The following LHX9 variants were observed in gnomAD, a reference collection of about 807,000 sequenced individuals.
The protein encoded by LHX9 is LIM homeobox 9, also known as LIM/homeobox protein Lhx9.
In LHX9, 9 loss-of-function variants were observed where a neutral mutation model predicts 36.5. The ratio of observed to expected loss-of-function variants is 0.25; its 90% CI spans 0.15 to 0.43. LHX9 has a LOEUF of 0.43. Ranked by LOEUF, LHX9 falls within the 20% of genes least tolerant of loss-of-function variation. LHX9 has a pLI of 1.00. For missense variants in LHX9, 464 were observed against 526.4 expected (o/e 0.88, Z 1.16); for synonymous variants, 211 against 212.1 (o/e 0.99, Z 0.04).
At chr1:197,916,594 G>C (rs973071301), upstream of LHX9, 7 of 692,834 alleles carry the variant, frequency 1.0e-5, no homozygotes, top group African/African-American at 8.8e-5. Context: ...GCGCAATTGC[G>C]TACCCGTGTG....
At chr1:197,923,918 G>A (rs529520230) in intron 3 of LHX9, among the ~76,000 whole-genome samples, 2 of 152,260 alleles carry the variant, frequency 1.3e-5, no homozygotes, top group African/African-American at 4.8e-5. Flanking sequence ...AGCCCGAAGA[G>A]TTTGTACCTC....
intron 1 of LHX9, chr1:197,918,631 A>G (rs1659857125): frequency 1.9e-6 from 1 of 515,534 alleles, no homozygotes; most frequent in Non-Finnish European, 3.5e-6. Context: ...CAAATAAAAC[A>G]TACGGAGGAG....
rs1209945236 is a variant in LHX9, at chr1:197,932,998, C to T, written c.*3739C>T. The stretch of plus-strand genomic sequence containing the variant: ...GAACTATAAAAAGATCCAATCTTTG[C>T]ATAGTTCAATTACATATGATTATTA... On this transcript the variant is annotated 3_prime_UTR_variant, in exon 5 of 5. Coordinates refer to ENST00000367387, the MANE Select transcript of LHX9 (RefSeq NM_020204.3). 2 of 151,702 alleles carry T rather than the reference C, an allele frequency of 1.3e-5. No homozygotes were observed. Among genetic ancestry groups the T allele is most frequent in the African/African-American group, 2.4e-5 (1 of 41,348 alleles). 9.4% of individuals were successfully genotyped at this position (151,702 alleles called of 1,614,324 possible). A position where few individuals can be genotyped will look rare whatever the true frequency, so the allele number is the denominator to read the frequency against.
Position 197,929,366 on chromosome 1 carries a change from A to G in LHX9, c.*107A>G. The stretch of plus-strand genomic sequence containing the variant: ...AGACTTTTTTTTTCTTCTAACCCAC[A>G]AGATATTTGGGGAATAAAAATAACA... On this transcript the variant is annotated 3_prime_UTR_variant, in exon 5 of 5. Coordinates refer to ENST00000367387, the MANE Select transcript of LHX9 (RefSeq NM_020204.3). 2 of 1,193,470 alleles carry G rather than the reference A, an allele frequency of 1.7e-6. No homozygotes were observed. The highest frequency in any genetic ancestry group is 2.1e-6 in the Non-Finnish European group (2 of 966,990). 73.9% of individuals were successfully genotyped at this position (1,193,470 alleles called of 1,614,324 possible).
upstream of LHX9, among the ~76,000 whole-genome samples, chr1:197,914,361 C>T (rs1276747888): frequency 1.3e-5 from 2 of 151,754 alleles, no homozygotes; most frequent in Non-Finnish European, 2.9e-5. Flanking sequence ...TTATGGAACA[C>T]TTGCGGGCCA....
intron 3 of LHX9, among the ~76,000 whole-genome samples, chr1:197,926,555 T>A (rs534416871): frequency 5.9e-4 from 90 of 152,338 alleles, no homozygotes; most frequent in Non-Finnish European, 1.2e-3. Context: ...TAGCTTTACA[T>A]CCTGGGGATA....
rs144328487 is a variant in LHX9, at chr1:197,924,762, C to T, written c.734-2829C>T. Among the ~76,000 whole-genome samples, 1,506 of 152,234 alleles carry T rather than the reference C, an allele frequency of 9.9e-3. 20 individuals carry two copies. Among genetic ancestry groups the T allele is most frequent in the Middle Eastern group, 0.014 (4 of 294 alleles). On this transcript the variant is annotated intron_variant, in intron 3 of 4. Coordinates refer to ENST00000367387, the MANE Select transcript of LHX9 (RefSeq NM_020204.3). ...CTCAGAAGGTTACATACCTTCACAG[C>T]GACACTCACTTTAGGATGGGTGCCC...
chr1:197,929,376 G>A lies in LHX9; in HGVS notation c.*117G>A. On this transcript the variant is annotated 3_prime_UTR_variant, in exon 5 of 5. Transcript: ENST00000367387. The stretch of plus-strand genomic sequence containing the variant: ...TTTCTTCTAACCCACAAGATATTTG[G>A]GGAATAAAAATAACAGCTTGGTGTG... The A allele has an allele frequency of 8.4e-7, 1 of 1,190,534 alleles. No homozygotes were observed. Among genetic ancestry groups the A allele is most frequent in the Non-Finnish European group, 1.0e-6 (1 of 966,362 alleles). The allele number at this position is 1,190,534 out of a possible 1,614,324, so 73.7% of individuals were successfully genotyped here. A position where few individuals can be genotyped will look rare whatever the true frequency, so the allele number is the denominator to read the frequency against.
At chr1:197,923,042 C>G (rs1459210173) in intron 3 of LHX9, among the ~76,000 whole-genome samples, 1 of 152,208 alleles carries the variant, frequency 6.6e-6, no homozygotes, top group African/African-American at 2.4e-5. Flanking sequence ...CTCAGACCTC[C>G]GTTGGGCTCT....
chr1:197,923,495 CAGAG>C (rs148599324), intron 3 of LHX9, among the ~76,000 whole-genome samples: 13 of 147,742 alleles, frequency 8.8e-5, no homozygotes, highest in South Asian at 6.6e-4. Context: ...CCCTAATTCC[CAGAG>C]AGAGAGAGAG....
In LHX9 at chr1:197,929,927, CT is replaced by C. The variant is rs200169822; in HGVS notation, c.*673del. On this transcript the variant is annotated 3_prime_UTR_variant, in exon 5 of 5. Coordinates refer to ENST00000367387, the MANE Select transcript of LHX9 (RefSeq NM_020204.3). ...TCTTAGGGGTGTACAACTCTAAAAA[CT>C]TTTTACTTGGTTATTTGTTTTTCAA... The C allele has an allele frequency of 1.5e-4, 150 of 980,924 alleles. 2 individuals carry two copies. The East Asian group carries it at 0.011, about 73-fold the overall frequency. The allele number at this position is 980,924 out of a possible 1,614,324, so 60.8% of individuals were successfully genotyped here.
At chr1:197,917,127 C>T (rs915015368), upstream of LHX9, 13 of 392,058 alleles carry the variant, frequency 3.3e-5, no homozygotes, top group Middle Eastern at 1.2e-3. Context: ...CGCGCGCGCG[C>T]GCGTGTGTGT....
rs1321504434 is a variant in LHX9 at position 197,917,862 on chromosome 1, T to C, written c.39T>C (p.Cys13=). ...IVGCRAEDNS[C]PFRPPAMLFH... is the part of the protein sequence containing the mutation. ...GGTGCCGAGCAGAAGACAACTCGTG[T>C]CCTTTCCGCCCCCCAGCCATGCTCT... Residue 13 remains cysteine (C), a synonymous_variant, in exon 1 of 5, where the codon TGT becomes TGC. Transcript: ENST00000367387. The C allele has an allele frequency of 6.2e-7, 1 of 1,614,220 alleles. No homozygotes were observed. Among genetic ancestry groups the C allele is most frequent in the African/African-American group, 1.3e-5 (1 of 75,060 alleles).
At chr1:197,928,958 A>G (rs1162837342) in intron 4 of LHX9, 44 bp from the exon 5 acceptor site, 28 of 1,464,296 alleles carry the variant, frequency 1.9e-5, no homozygotes, top group Non-Finnish European at 2.4e-5. Context: ...AAAGAAATAT[A>G]AAAATGAACA....
At chr1:197,919,074 T>G (rs1349061921) in intron 1 of LHX9, among the ~76,000 whole-genome samples, 1 of 152,252 alleles carries the variant, frequency 6.6e-6, no homozygotes, top group Non-Finnish European at 1.5e-5. Flanking sequence ...AACCCATTTC[T>G]GCTAGTCGTG....
chr1:197,913,359 G>A (rs901427941), upstream of LHX9, among the ~76,000 whole-genome samples: 1 of 152,150 alleles, frequency 6.6e-6, no homozygotes, highest in African/African-American at 2.4e-5. Flanking sequence ...GCGTGGCCTC[G>A]GGTACCCCTT....
intron 3 of LHX9, among the ~76,000 whole-genome samples, chr1:197,925,529 T>TG (rs1660117898): frequency 5.1e-5 from 1 of 19,460 alleles, no homozygotes; most frequent in Admixed American, 9.0e-4. Flanking sequence ...CCCCTTTGAC[T>TG]ATTTTTTGTG....
In LHX9 at chr1:197,932,076, CAAA is replaced by C. The variant is rs34018572; in HGVS notation, c.*2824_*2826del. 1.4e-6 allele frequency: 1 copy of C among 690,702 alleles called. No individual in the cohort carries two copies. Among genetic ancestry groups the C allele is most frequent in the Non-Finnish European group, 2.3e-6 (1 of 432,106 alleles). 42.8% of individuals were successfully genotyped at this position (690,702 alleles called of 1,614,324 possible). On this transcript the variant is annotated 3_prime_UTR_variant, in exon 5 of 5. Coordinates refer to ENST00000367387, the MANE Select transcript of LHX9 (RefSeq NM_020204.3). Reference sequence around the variant, plus strand: ...TCATACATTAAAAAATTTATTAAGCCAAAAAAAAAGAGAGAGAGAGAGACTTAA... The same window carrying C: ...TCATACATTAAAAAATTTATTAAGCCAAAAAAGAGAGAGAGAGAGACTTAA...
chr1:197,919,907 A>T (rs1659914627), intron 1 of LHX9, 65 bp from the exon 2 acceptor site: 1 of 1,553,370 alleles, frequency 6.4e-7, no homozygotes, highest in Non-Finnish European at 8.8e-7. Context: ...TGCCTGGGGG[A>T]GAACCCCGCG....
Sources: allele counts gnomAD v4.1 joint callset (sites outside exome capture counted in the v4.1 genomes callset), GRCh38; gene constraint gnomAD v4.1.1; transcripts MANE v1.5; gene names NCBI Gene and HGNC (gene_info 2026-07-23, HGNC 2026-07-21).